THEMIS: variants seen among roughly 807,000 people sequenced by gnomAD.
THEMIS encodes the protein thymocyte selection associated, also known as protein THEMIS.
Under a neutral mutation model 52.6 loss-of-function variants are expected in THEMIS, and 37 were observed. The ratio of observed to expected loss-of-function variants is 0.70; its 90% CI spans 0.54 to 0.93. The LOEUF (loss-of-function observed/expected upper bound fraction) is 0.93, where lower values mean the gene tolerates loss of function less well. Ranked by LOEUF, THEMIS falls within the 40% of genes least tolerant of loss-of-function variation. The pLI, the probability that THEMIS is intolerant of heterozygous loss-of-function variation, is 0.00. For missense variants in THEMIS, 808 were observed against 763.1 expected (o/e 1.06, Z -0.69); for synonymous variants, 292 against 272.7 (o/e 1.07, Z -0.70).
intron 4 of THEMIS, among the ~76,000 whole-genome samples, chr6:127,808,018 C>G (rs1777777393): frequency 6.6e-6 from 1 of 152,136 alleles, no homozygotes; most frequent in Admixed American, 6.5e-5. Context: ...TTTCACAGTA[C>G]CTTGCCATTA....
At position 127,813,892 on chromosome 6, in the gene THEMIS, A is replaced by C. The variant is rs1188697645; in HGVS notation, c.749T>G (p.Val250Gly). Reference protein sequence around the residue: ...DIIRILPSLDVEVKDITDSYD... With the variant: ...DIIRILPSLDGEVKDITDSYD... Reference sequence around the variant, plus strand: ...AGAATCAGTGATGTCTTTGACTTCGACATCTAGACTGGGGAGGATGCGGAT... The same window carrying C: ...AGAATCAGTGATGTCTTTGACTTCGCCATCTAGACTGGGGAGGATGCGGAT... Residue 250 changes from valine (V) to glycine (G), a missense_variant, in exon 4 of 6, where the codon GTC (valine) becomes GGC (glycine). Coordinates refer to ENST00000368248, the MANE Select transcript of THEMIS (RefSeq NM_001010923.3). 3 of 1,598,176 alleles carry C rather than the reference A, an allele frequency of 1.9e-6. No homozygotes were observed. The highest frequency in any genetic ancestry group is 2.6e-6 in the Non-Finnish European group (3 of 1,174,838).
chr6:127,786,091 T>C (rs1380887276), intron 4 of THEMIS, among the ~76,000 whole-genome samples: 1 of 152,146 alleles, frequency 6.6e-6, no homozygotes, highest in African/African-American at 2.4e-5. Flanking sequence ...TTCAATAAGA[T>C]ATTTTGCACT....
At chr6:127,841,656 C>T (rs900873301) in intron 2 of THEMIS, among the ~76,000 whole-genome samples, 3 of 151,580 alleles carry the variant, frequency 2.0e-5, no homozygotes, top group Non-Finnish European at 4.4e-5. Context: ...GGCTAATATA[C>T]ATGGTAGTTA....
At chr6:127,832,627 G>A (rs183851049) in intron 2 of THEMIS, among the ~76,000 whole-genome samples, 17 of 151,988 alleles carry the variant, frequency 1.1e-4, no homozygotes, top group Admixed American at 2.6e-4. Context: ...TTTATACTGG[G>A]AAAAATATGC....
intron 1 of THEMIS, among the ~76,000 whole-genome samples, chr6:127,857,271 A>T (rs1409830523): frequency 6.6e-6 from 1 of 151,998 alleles, no homozygotes; most frequent in Non-Finnish European, 1.5e-5. Context: ...ATGCAATTAC[A>T]TGAAAAAGAG....
At chr6:127,858,005 C>T (rs1174821867) in intron 1 of THEMIS, among the ~76,000 whole-genome samples, 2 of 152,062 alleles carry the variant, frequency 1.3e-5, no homozygotes, top group African/African-American at 4.8e-5. Context: ...TAGCCCATTT[C>T]AGCTGAAGTC....
intron 4 of THEMIS, among the ~76,000 whole-genome samples, chr6:127,750,752 A>G (rs893230592): frequency 1.3e-5 from 2 of 151,834 alleles, no homozygotes; most frequent in African/African-American, 2.4e-5. Context: ...TCCTTGTGAC[A>G]TATAAAAGAA....
At chr6:127,899,912 T>C (rs1291767699) in intron 1 of THEMIS, among the ~76,000 whole-genome samples, 1 of 147,694 alleles carries the variant, frequency 6.8e-6, no homozygotes, top group East Asian at 2.0e-4. Flanking sequence ...TTTATATATA[T>C]ATATATATAT....
At chr6:127,841,445 G>A (rs1779044584) in intron 2 of THEMIS, among the ~76,000 whole-genome samples, 2 of 152,010 alleles carry the variant, frequency 1.3e-5, no homozygotes. Flanking sequence ...AAGACGGATG[G>A]TAAGGACAAT....
At chr6:127,732,706 T>C (rs1774853874) in intron 4 of THEMIS, among the ~76,000 whole-genome samples, 1 of 152,208 alleles carries the variant, frequency 6.6e-6, no homozygotes, top group South Asian at 2.1e-4. Flanking sequence ...ATCATTCCAT[T>C]GTATGGATAA....
At position 127,897,857 on chromosome 6, in the gene THEMIS, T is replaced by C. The variant is rs1455271148; in HGVS notation, c.91+2985A>G. On this transcript the variant is annotated intron_variant, in intron 1 of 5. Coordinates refer to ENST00000368248, the MANE Select transcript of THEMIS (RefSeq NM_001010923.3). Reference sequence around the variant, plus strand: ...TTTTCATGACAAAATTACTGGAAACTCCAAGCCAGAAATAATCCAAATGCC... The same window carrying C: ...TTTTCATGACAAAATTACTGGAAACCCCAAGCCAGAAATAATCCAAATGCC... Among the ~76,000 whole-genome samples, 6 of 151,674 alleles carry C rather than the reference T, an allele frequency of 4.0e-5. No homozygotes were observed. In the South Asian group the frequency reaches 1.0e-3, roughly 26 times the overall value.
intron 4 of THEMIS, among the ~76,000 whole-genome samples, chr6:127,789,812 G>A (rs548899249): frequency 5.3e-4 from 80 of 152,018 alleles, no homozygotes; most frequent in Admixed American, 9.8e-4. Context: ...AAAGGCCCTC[G>A]ATATAACTCA....
At chr6:127,803,498 C>G (rs755027158) in intron 4 of THEMIS, among the ~76,000 whole-genome samples, 1 of 152,062 alleles carries the variant, frequency 6.6e-6, no homozygotes, top group African/African-American at 2.4e-5. Context: ...TTATACATCC[C>G]TATCTACCTT....
At chr6:127,729,140 TTCTCTCTCTC>T (rs35400135) in intron 4 of THEMIS, among the ~76,000 whole-genome samples, 1,454 of 105,470 alleles carry the variant, frequency 0.014, 21 homozygotes, top group East Asian at 0.033. Context: ...TACCAATTTA[TTCTCTCTCTC>T]TCTCTCTCTC....
chr6:127,844,974 C>T (rs1779167007), intron 2 of THEMIS, among the ~76,000 whole-genome samples: 1 of 150,704 alleles, frequency 6.6e-6, no homozygotes. Context: ...TCAAAAGAGA[C>T]ATATGGAAAT....
In THEMIS at chr6:127,806,589, G is replaced by A. The variant is rs988873399; in HGVS notation, c.1758+6294C>T. 2.6e-5 allele frequency among the ~76,000 whole-genome samples: 4 copies of A among 152,124 alleles called. 1 individual carries two copies. Among genetic ancestry groups the A allele is most frequent in the Non-Finnish European group, 4.4e-5 (3 of 68,014 alleles). ...GCCATAAATTATCCAGAGAAAATCA[G>A]TATTTTATTATTAGTATGAAGACTT... On this transcript the variant is annotated intron_variant, in intron 4 of 5. Coordinates refer to ENST00000368248, the MANE Select transcript of THEMIS (RefSeq NM_001010923.3).
rs544831983 is a variant in THEMIS at position 127,718,368 on chromosome 6, G to T, written c.1894+1320C>A. On this transcript the variant is annotated intron_variant, in intron 5 of 5. Coordinates refer to ENST00000368248, the MANE Select transcript of THEMIS (RefSeq NM_001010923.3). Reference sequence around the variant, plus strand: ...ACTGCTTTAATTCCAGGTCATCTTTGTCCCTAAAATCATCACTTACAAGTA... The same window carrying T: ...ACTGCTTTAATTCCAGGTCATCTTTTTCCCTAAAATCATCACTTACAAGTA... 1.6e-4 allele frequency among the ~76,000 whole-genome samples: 24 copies of T among 151,924 alleles called. No individual in the cohort carries two copies. In the East Asian group the frequency reaches 4.3e-3, roughly 27 times the overall value.
chr6:127,728,005 T>G (rs1381779561), intron 4 of THEMIS, among the ~76,000 whole-genome samples: 3 of 152,190 alleles, frequency 2.0e-5, no homozygotes, highest in African/African-American at 4.8e-5. Context: ...GATCCAGGCA[T>G]GGCTCTTCAT....
intron 4 of THEMIS, among the ~76,000 whole-genome samples, chr6:127,737,353 G>A (rs1475291593): frequency 6.6e-6 from 1 of 152,064 alleles, no homozygotes; most frequent in Non-Finnish European, 1.5e-5. Context: ...TAAACTCCAG[G>A]CTTAAGTTGA....
Sources: allele counts gnomAD v4.1 joint callset (sites outside exome capture counted in the v4.1 genomes callset), GRCh38; gene constraint gnomAD v4.1.1; transcripts MANE v1.5; gene names NCBI Gene and HGNC (gene_info 2026-07-23, HGNC 2026-07-21).